The following WSCD2 variants were observed in gnomAD, a reference collection of about 807,000 sequenced individuals.
WSCD2 encodes the protein sialate:O-sulfotransferase 2.
In WSCD2, 28 loss-of-function variants were observed where a neutral mutation model predicts 55.7. The observed-to-expected ratio is 0.50, with a 90% CI of 0.37 to 0.69. The LOEUF is 0.69. Ranked by LOEUF, WSCD2 falls within the 30% of genes least tolerant of loss-of-function variation. The pLI is 0.00. For missense variants in WSCD2, 616 were observed against 762.1 expected (o/e 0.81, Z 2.26); for synonymous variants, 301 against 301.9 (o/e 1.00, Z 0.03).
In WSCD2 at chr12:108,205,252, A is replaced by G. The variant is rs188648814; in HGVS notation, c.383-1037A>G. Among the ~76,000 whole-genome samples, 5 of 152,336 alleles carry G rather than the reference A, an allele frequency of 3.3e-5. No homozygotes were observed. In the East Asian group the frequency reaches 9.6e-4, roughly 29 times the overall value. ...CTTGGCTTCAATTCTGAATCCACAC[A>G]TATGAACTGTGTTACTTTGAGCAAG... On this transcript the variant is annotated intron_variant, in intron 2 of 8. Transcript: ENST00000547525.
At chr12:108,136,141 A>G (rs956396891) in intron 1 of WSCD2, among the ~76,000 whole-genome samples, 10 of 152,224 alleles carry the variant, frequency 6.6e-5, no homozygotes, top group African/African-American at 2.4e-4. Context: ...GAAGAGGTGC[A>G]GTAACTCCAG....
Position 108,227,105 on chromosome 12 carries a change from A to G in WSCD2, c.920A>G (p.Glu307Gly). The change falls in exon 6 of 9, where the codon GAG becomes GGG. Residue 307 changes from glutamate (E) to glycine (G), a missense_variant. This residue lies in a region of WSCD2 where 374 missense variants were observed against 467.4 expected (regional missense o/e 0.80). Transcript: ENST00000547525. ...EQLCAQKCSA[E>G]EFESCGTPSY... ...CTCTGTGCCCAGAAGTGCAGCGCGG[A>G]GGAGTTTGAGAGCTGCGGGACTCCT... The G allele has an allele frequency of 6.2e-7, 1 of 1,614,172 alleles. No homozygotes were observed. Among genetic ancestry groups the G allele is most frequent in the Non-Finnish European group, 8.5e-7 (1 of 1,180,002 alleles).
intron 4 of WSCD2, among the ~76,000 whole-genome samples, chr12:108,222,196 G>A (rs1380247123): frequency 2.0e-5 from 3 of 152,012 alleles, no homozygotes; most frequent in African/African-American, 4.8e-5. Context: ...GCTAAAAAAC[G>A]CTTTTACACT....
chr12:108,224,025 C>A (rs1041894110), intron 4 of WSCD2, among the ~76,000 whole-genome samples: 3 of 152,188 alleles, frequency 2.0e-5, no homozygotes, highest in African/African-American at 7.2e-5. Context: ...TTGTCTCAGG[C>A]TCTGCTTCAG....
intron 1 of WSCD2, among the ~76,000 whole-genome samples, chr12:108,138,271 C>T (rs1335040204): frequency 6.6e-6 from 1 of 152,168 alleles, no homozygotes; most frequent in Non-Finnish European, 1.5e-5. Context: ...AGCCAGCCTG[C>T]CATAGATGCC....
intron 1 of WSCD2, among the ~76,000 whole-genome samples, chr12:108,160,811 A>G (rs1263198935): frequency 6.6e-6 from 1 of 152,232 alleles, no homozygotes; most frequent in Non-Finnish European, 1.5e-5. Flanking sequence ...ATTTCTCAAT[A>G]GGAGAGGGGT....
At chr12:108,153,071 C>A (rs1171018104) in intron 1 of WSCD2, among the ~76,000 whole-genome samples, 1 of 151,718 alleles carries the variant, frequency 6.6e-6, no homozygotes, top group Non-Finnish European at 1.5e-5. Context: ...CCACTGCACT[C>A]CAGCCTGGGT....
intron 1 of WSCD2, among the ~76,000 whole-genome samples, chr12:108,173,209 C>G (rs1022997772): frequency 6.6e-6 from 1 of 152,180 alleles, no homozygotes; most frequent in Non-Finnish European, 1.5e-5. Context: ...CCCAGCTCAT[C>G]CTGGGGTGCT....
chr12:108,130,747 C>T (rs1011589832), intron 1 of WSCD2, among the ~76,000 whole-genome samples: 2 of 152,036 alleles, frequency 1.3e-5, no homozygotes, highest in Admixed American at 1.3e-4. Context: ...GAGACCATTC[C>T]TATTGGAGCC....
intron 2 of WSCD2, among the ~76,000 whole-genome samples, chr12:108,204,458 G>A (rs770266172): frequency 1.3e-5 from 2 of 152,072 alleles, no homozygotes; most frequent in Non-Finnish European, 2.9e-5. Flanking sequence ...GTCCTCTAGG[G>A]AATGGCTGAA....
chr12:108,155,951 A>G (rs886294985), intron 1 of WSCD2, among the ~76,000 whole-genome samples: 1 of 152,206 alleles, frequency 6.6e-6, no homozygotes, highest in African/African-American at 2.4e-5. Flanking sequence ...GAGTTCTTTC[A>G]AATATACATC....
chr12:108,152,007 C>T (rs1436503613), intron 1 of WSCD2, among the ~76,000 whole-genome samples: 1 of 152,172 alleles, frequency 6.6e-6, no homozygotes, highest in Non-Finnish European at 1.5e-5. Context: ...CTTCCAAGGG[C>T]GGCGTCGCTG....
chr12:108,200,721 A>T (rs1283287336), intron 2 of WSCD2, among the ~76,000 whole-genome samples: 1 of 152,226 alleles, frequency 6.6e-6, no homozygotes, highest in Non-Finnish European at 1.5e-5. Context: ...AAAATTTAGA[A>T]AAGTTTTGGG....
intron 4 of WSCD2, among the ~76,000 whole-genome samples, chr12:108,223,226 CTGGGCACCA>C (rs1038944540): frequency 6.6e-6 from 1 of 152,234 alleles, no homozygotes; most frequent in Non-Finnish European, 1.5e-5. Context: ...CACCAAACAA[CTGGGCACCA>C]TGGCCTAGCT....
chr12:108,155,115 G>C (rs1478903235), intron 1 of WSCD2, among the ~76,000 whole-genome samples: 1 of 152,172 alleles, frequency 6.6e-6, no homozygotes, highest in African/African-American at 2.4e-5. Context: ...TGGGGCCTCA[G>C]TTTCCTGATC....
intron 1 of WSCD2, among the ~76,000 whole-genome samples, chr12:108,176,977 G>A (rs1215998824): frequency 6.6e-6 from 1 of 152,188 alleles, no homozygotes; most frequent in Non-Finnish European, 1.5e-5. Context: ...AGCACAGGTT[G>A]TTGAGTTCTG....
At chr12:108,218,446 G>T (rs377219395) in intron 4 of WSCD2, among the ~76,000 whole-genome samples, 1 of 152,214 alleles carries the variant, frequency 6.6e-6, no homozygotes, top group East Asian at 1.9e-4. Context: ...CTCTCCTAGG[G>T]CTCTGGGCTA....
intron 1 of WSCD2, among the ~76,000 whole-genome samples, chr12:108,146,679 G>A (rs1287471259): frequency 6.6e-6 from 1 of 152,200 alleles, no homozygotes; most frequent in African/African-American, 2.4e-5. Flanking sequence ...CAGGCGTAGG[G>A]TGGGCTGGCG....
intron 6 of WSCD2, among the ~76,000 whole-genome samples, chr12:108,227,727 G>GTGATCA (rs1555241208): frequency 6.7e-6 from 1 of 150,360 alleles, no homozygotes; most frequent in Non-Finnish European, 1.5e-5. Context: ...GATAATGATG[G>GTGATCA]TGATGATGAT....
Sources: allele counts gnomAD v4.1 joint callset (sites outside exome capture counted in the v4.1 genomes callset), GRCh38; gene constraint gnomAD v4.1.1; regional missense constraint gnomAD v4.1.1; transcripts MANE v1.5; gene names NCBI Gene and HGNC (gene_info 2026-07-23, HGNC 2026-07-21).